TBXAS1: variants seen among roughly 807,000 people sequenced by gnomAD.
TBXAS1 encodes thromboxane A synthase 1.
Under a neutral mutation model 60.7 loss-of-function variants are expected in TBXAS1, and 48 were observed. The ratio of observed to expected loss-of-function variants is 0.79; its 90% confidence interval spans 0.63 to 1.01. TBXAS1 has a LOEUF of 1.01. Among genes scored for constraint, TBXAS1 ranks in the 50% least tolerant of loss-of-function variants. TBXAS1 has a pLI of 0.00. For synonymous variants in TBXAS1, 287 were observed against 269.7 expected (o/e 1.06, Z -0.63); for missense variants, 685 against 686.3 (o/e 1.00, Z 0.02).
At chr7:139,848,212 T>C (rs1303394519) in intron 1 of TBXAS1, among the ~76,000 whole-genome samples, 1 of 152,106 alleles carries the variant, frequency 6.6e-6, no homozygotes, top group Non-Finnish European at 1.5e-5. Flanking sequence ...CTTAAACGCC[T>C]GAGGTCAAAT....
chr7:139,846,137 G>A (rs140576822), intron 1 of TBXAS1, among the ~76,000 whole-genome samples: 1,900 of 152,152 alleles, frequency 0.012, 34 homozygotes, highest in Non-Finnish European at 0.015. Flanking sequence ...ATGAAGGAAG[G>A]GATTGCTAAC....
At position 139,962,372 on chromosome 7, in the gene TBXAS1, G is replaced by C. The variant is rs8192837; in HGVS notation, c.1134+139G>C. 1.9e-3 allele frequency: 1,943 copies of C among 1,036,734 alleles called. 42 individuals are homozygous for C. In the East Asian group the frequency reaches 0.042, roughly 22 times the overall value. 64.2% of individuals were successfully genotyped at this position (1,036,734 alleles called of 1,614,324 possible). A position where few individuals can be genotyped will look rare whatever the true frequency, so the allele number is the denominator to read the frequency against. On this transcript the variant is annotated intron_variant, in intron 9 of 12. Coordinates refer to ENST00000448866, the MANE Select transcript of TBXAS1 (RefSeq NM_001061.7). ...TAAGATGAAATAGGGTCATTGCTTG[G>C]CTTCTCCTGCTCTCCGGGTTAGCAA... is the stretch of plus-strand genomic sequence containing the variant.
At chr7:139,945,233 C>T (rs562877430) in intron 5 of TBXAS1, among the ~76,000 whole-genome samples, 15 of 152,352 alleles carry the variant, frequency 9.8e-5, no homozygotes, top group African/African-American at 3.6e-4. Flanking sequence ...TGGCTTCAAG[C>T]AACTGTCTCA....
Position 139,966,973 on chromosome 7 carries a change from G to A in TBXAS1, c.1134+4740G>A, listed in dbSNP as rs747596123. 3.3e-5 allele frequency among the ~76,000 whole-genome samples: 5 copies of A among 152,080 alleles called. No individual in the cohort carries two copies. In the East Asian group the frequency reaches 5.8e-4, roughly 18 times the overall value. ...GAGCTGCCCTCAGTGCCTTCCCTGC[G>A]GGGCTTCTGACGTGGGGTAGATGCA... On this transcript the variant is annotated intron_variant, in intron 9 of 12. Transcript: ENST00000448866.
At chr7:139,949,511 T>A (rs1809027893) in intron 5 of TBXAS1, among the ~76,000 whole-genome samples, 1 of 152,224 alleles carries the variant, frequency 6.6e-6, no homozygotes, top group Admixed American at 6.5e-5. Flanking sequence ...GTACTGACTT[T>A]TCCAATGTTA....
chr7:139,810,020 T>C (rs1435537018), intron 4 of TBXAS1, among the ~76,000 whole-genome samples: 1 of 152,120 alleles, frequency 6.6e-6, no homozygotes, highest in Non-Finnish European at 1.5e-5. Context: ...GCTTGGTCAT[T>C]TTCAATAAGT....
intron 4 of TBXAS1, among the ~76,000 whole-genome samples, chr7:139,796,472 G>C (rs1257305615): frequency 6.6e-6 from 1 of 152,228 alleles, no homozygotes; most frequent in Non-Finnish European, 1.5e-5. Context: ...TGGTTTCCCA[G>C]GATCTGGGGG....
upstream of TBXAS1, chr7:139,829,236 T>C: frequency 1.4e-6 from 1 of 722,768 alleles, no homozygotes; most frequent in Non-Finnish European, 2.5e-6. Flanking sequence ...AGGGAGACAC[T>C]CTGAGAAAGA....
rs976778351 is a variant in TBXAS1 at position 139,896,746 on chromosome 7, C to T, written c.237-14479C>T. 6.6e-6 allele frequency among the ~76,000 whole-genome samples: 1 copy of T among 152,104 alleles called. No homozygotes were observed. The highest frequency in any genetic ancestry group is 1.5e-5 in the Non-Finnish European group (1 of 68,032). On this transcript the variant is annotated intron_variant, in intron 3 of 12. Coordinates refer to ENST00000448866, the MANE Select transcript of TBXAS1 (RefSeq NM_001061.7). The surrounding 1 kb of genome is among the most constrained non-coding windows in gnomAD (Gnocchi z 4.0). ...GACATTACTGAGTCACTAAGGGCACCGTGAACTGAGAACGTTTGGAAACAC... is the reference window on the plus strand; with the variant it reads ...GACATTACTGAGTCACTAAGGGCACTGTGAACTGAGAACGTTTGGAAACAC...
At chr7:140,007,525 TTTA>T (rs1814187562) in intron 10 of TBXAS1, among the ~76,000 whole-genome samples, 1 of 152,202 alleles carries the variant, frequency 6.6e-6, no homozygotes, top group African/African-American at 2.4e-5. Context: ...TCAGCAATTG[TTTA>T]TTGAGCATCT....
intron 3 of TBXAS1, among the ~76,000 whole-genome samples, chr7:139,892,941 G>A (rs897888311): frequency 3.3e-5 from 5 of 152,024 alleles, no homozygotes; most frequent in African/African-American, 1.2e-4. Flanking sequence ...CCCCTCTTTG[G>A]GCCTCATTTT....
intron 4 of TBXAS1, among the ~76,000 whole-genome samples, chr7:139,805,572 A>C (rs1358857903): frequency 2.0e-5 from 3 of 151,908 alleles, no homozygotes; most frequent in Non-Finnish European, 4.4e-5. Flanking sequence ...TAATATCTAG[A>C]ATGAAAGTCT....
intron 10 of TBXAS1, among the ~76,000 whole-genome samples, chr7:140,011,460 C>A (rs1215897232): frequency 6.6e-6 from 1 of 152,144 alleles, no homozygotes; most frequent in Non-Finnish European, 1.5e-5. Flanking sequence ...ATATAGTCTA[C>A]CCTTTAAAAG....
intron 9 of TBXAS1, among the ~76,000 whole-genome samples, chr7:139,980,807 A>T (rs1454752993): frequency 6.6e-6 from 1 of 151,900 alleles, no homozygotes; most frequent in Non-Finnish European, 1.5e-5. Flanking sequence ...CCTTAAGGCC[A>T]CTTGGCTTCC....
At chr7:139,951,951 AAAGAAAGAAAG>A (rs1207177972) in intron 5 of TBXAS1, among the ~76,000 whole-genome samples, 33 of 45,452 alleles carry the variant, frequency 7.3e-4, no homozygotes, top group African/African-American at 2.8e-3. Context: ...GAAAGAAAGA[AAAGAAAGAAAG>A]AAAGAAAGAA....
At position 139,934,874 on chromosome 7, in the gene TBXAS1, G is replaced by A. The variant is rs367669677; in HGVS notation, c.334-1317G>A. Among the ~76,000 whole-genome samples the A allele has an allele frequency of 2.0e-4, 31 of 152,120 alleles. 1 individual carries two copies. The highest frequency in any genetic ancestry group is 5.3e-4 in the African/African-American group (22 of 41,508). The stretch of plus-strand genomic sequence containing the variant: ...GTTGCCTAGGCTGGAGTGCAGTGGC[G>A]CAATCTCAGCTCACTGCAACCTCCG... On this transcript the variant is annotated intron_variant, in intron 4 of 12. Coordinates refer to ENST00000448866, the MANE Select transcript of TBXAS1 (RefSeq NM_001061.7).
chr7:139,873,233 G>A (rs1309927562), intron 2 of TBXAS1, among the ~76,000 whole-genome samples: 1 of 152,198 alleles, frequency 6.6e-6, no homozygotes, highest in Non-Finnish European at 1.5e-5. Flanking sequence ...CTGACTAGAG[G>A]CCAAATGCTA....
rs1292195756 is a variant in TBXAS1 at position 139,904,997 on chromosome 7, C to CTTTCTT, written c.237-6227_237-6226insTTCTTT. ...CCTTTCTTTCTCTTTCTCTCTTTCT[C>CTTTCTT]TCTTTCTCTCTTTCTTTCTTTCTTT... On this transcript the variant is annotated intron_variant, in intron 3 of 12. Transcript: ENST00000448866. Among the ~76,000 whole-genome samples the CTTTCTT allele has an allele frequency of 1.4e-3, 127 of 93,144 alleles. 2 individuals are homozygous for CTTTCTT. Among genetic ancestry groups the CTTTCTT allele is most frequent in the Admixed American group, 2.0e-3 (17 of 8,626 alleles). The allele number at this position is 93,144 out of a possible 152,430, so 61.1% of individuals were successfully genotyped here.
chr7:139,842,906 G>GA (rs1585607411), intron 1 of TBXAS1, among the ~76,000 whole-genome samples: 1 of 152,148 alleles, frequency 6.6e-6, no homozygotes, highest in African/African-American at 2.4e-5. Context: ...AAGATATCTA[G>GA]AAAAAACTGT....
Sources: allele counts gnomAD v4.1 joint callset (sites outside exome capture counted in the v4.1 genomes callset), GRCh38; gene constraint gnomAD v4.1.1; non-coding constraint Gnocchi (gnomAD v3.1); transcripts MANE v1.5; gene names NCBI Gene and HGNC (gene_info 2026-07-23, HGNC 2026-07-21).